The following SULT2A1 variants were observed in gnomAD, a reference collection of about 807,000 sequenced individuals.
SULT2A1 encodes sulfotransferase family 2A member 1.
SULT2A1 carries 43 observed loss-of-function variants against 33.9 expected under a neutral mutation model. The observed-to-expected ratio is 1.27, with a 90% CI of 1.00 to 1.64. The LOEUF (loss-of-function observed/expected upper bound fraction) is 1.64. Among genes scored for constraint, SULT2A1 ranks in the 40% most tolerant of loss-of-function variants. The pLI, the probability that SULT2A1 is intolerant of heterozygous loss-of-function variation, is 0.00. For missense variants in SULT2A1, 300 were observed against 335.1 expected (o/e 0.90, Z 0.82); for synonymous variants, 125 against 113.6 (o/e 1.10, Z -0.64).
chr19:47,881,609 A>T (rs922403958), intron 3 of SULT2A1, among the ~76,000 whole-genome samples: 2 of 152,164 alleles, frequency 1.3e-5, no homozygotes, highest in East Asian at 1.9e-4. Flanking sequence ...GATCAATTGC[A>T]AAATGGAAAG....
chr19:47,872,071 C>T (rs544526639), intron 5 of SULT2A1, among the ~76,000 whole-genome samples: 2 of 152,136 alleles, frequency 1.3e-5, no homozygotes, highest in African/African-American at 4.8e-5. Context: ...GTGCCTACCA[C>T]CACGCCTGGC....
At chr19:47,883,456 G>C in intron 2 of SULT2A1, 121 bp downstream of exon 2, 1 of 985,858 alleles carries the variant, frequency 1.0e-6, no homozygotes, top group Non-Finnish European at 1.5e-6. Context: ...CGGAATCTCA[G>C]GTCTCAACAA....
rs1911210434 is a variant in SULT2A1 at position 47,871,503 on chromosome 19, G to A, written c.810C>T (p.Phe270=). The A allele has an allele frequency of 6.2e-7, 1 of 1,613,902 alleles. No homozygotes were observed. Among genetic ancestry groups the A allele is most frequent in the Admixed American group, 1.7e-5 (1 of 59,958 alleles). Residue 270 remains phenylalanine (F), a synonymous_variant, in exon 6 of 6, where the codon TTC becomes TTT. Coordinates refer to ENST00000222002, the MANE Select transcript of SULT2A1 (RefSeq NM_003167.4). ...GAGGAAGATCTGCCATCTTCTCTTGGAACAATTTATCAAAGTCTTCAGCTT... is the reference window on the plus strand; with the variant it reads ...GAGGAAGATCTGCCATCTTCTCTTGAAACAATTTATCAAAGTCTTCAGCTT... ...VAQAEDFDKL[F]QEKMADLPRE...
intron 5 of SULT2A1, among the ~76,000 whole-genome samples, chr19:47,872,958 C>A (rs1968506881): frequency 6.6e-6 from 1 of 151,958 alleles, no homozygotes; most frequent in African/African-American, 2.4e-5. Context: ...AACAGAGTTT[C>A]ACCATGTTGC....
chr19:47,883,747 A>G lies in SULT2A1; in HGVS notation c.175T>C (p.Ser59Pro), dbSNP rs1176987252. 1 of 1,614,102 alleles carries G rather than the reference A, an allele frequency of 6.2e-7. No individual in the cohort carries two copies. The highest frequency in any genetic ancestry group is 8.5e-7 in the Non-Finnish European group (1 of 1,180,014). The stretch of plus-strand genomic sequence containing the variant: ...TGGATCCACTTGGCATCCCCCTTGG[A>G]GTGCATCAGGCAGAGAATCTCAGCC... ...WLAEILCLMHSKGDAKWIQSV... is the reference protein window; with the variant it reads ...WLAEILCLMHPKGDAKWIQSV... Residue 59 changes from serine (S) to proline (P), a missense_variant, in exon 2 of 6, where the codon TCC (serine) becomes CCC (proline). Physicochemically the swap from Ser to Pro is moderately conservative, Grantham distance 74 (BLOSUM62 -1). Transcript: ENST00000222002.
chr19:47,878,505 A>AT (rs34027366), intron 4 of SULT2A1, among the ~76,000 whole-genome samples: 21,380 of 111,704 alleles, frequency 0.19, 2,725 homozygotes, highest in African/African-American at 0.29. Flanking sequence ...ACCTCTCTAG[A>AT]TTTTTTTTTT....
At chr19:47,876,663 G>T (rs62531011) in intron 4 of SULT2A1, among the ~76,000 whole-genome samples, 2,216 of 151,332 alleles carry the variant, frequency 0.015, 52 homozygotes, top group African/African-American at 0.051. Context: ...CTAGCTACTT[G>T]GGAGGCTGAG....
rs751509523 is a variant in SULT2A1 at position 47,871,506 on chromosome 19, C to G, written c.807G>C (p.Leu269Phe). ...TVAQAEDFDKLFQEKMADLPR... is the reference protein window; with the variant it reads ...TVAQAEDFDKFFQEKMADLPR... ...GAAGATCTGCCATCTTCTCTTGGAA[C>G]AATTTATCAAAGTCTTCAGCTTGGG... The change falls in exon 6 of 6, where the codon TTG (leucine) becomes TTC (phenylalanine). Residue 269 changes from leucine to phenylalanine, a missense_variant. By Grantham distance (22) the Leu-to-Phe change is conservative (BLOSUM62 0). Coordinates refer to ENST00000222002, the MANE Select transcript of SULT2A1 (RefSeq NM_003167.4). 4 of 1,613,972 alleles carry G rather than the reference C, an allele frequency of 2.5e-6. No homozygotes were observed. The highest frequency in any genetic ancestry group is 3.4e-6 in the Non-Finnish European group (4 of 1,180,044).
chr19:47,875,399 A>G (rs1210079312), intron 4 of SULT2A1, among the ~76,000 whole-genome samples: 1 of 152,014 alleles, frequency 6.6e-6, no homozygotes, highest in African/African-American at 2.4e-5. Context: ...GCACTTTGGG[A>G]GGCTGAGGCA....
chr19:47,878,745 G>C (rs1293622818), intron 4 of SULT2A1, among the ~76,000 whole-genome samples: 1 of 150,342 alleles, frequency 6.7e-6, no homozygotes, highest in East Asian at 2.0e-4. Context: ...TTGAACTCCT[G>C]ACCTTGTGAT....
At chr19:47,885,855 C>T (rs915874306) in intron 1 of SULT2A1, among the ~76,000 whole-genome samples, 1 of 152,160 alleles carries the variant, frequency 6.6e-6, no homozygotes, top group South Asian at 2.1e-4. Flanking sequence ...ATCCTCCCTC[C>T]CACTGCCACC....
At chr19:47,872,901 A>G (rs1041706041) in intron 5 of SULT2A1, among the ~76,000 whole-genome samples, 2 of 151,854 alleles carry the variant, frequency 1.3e-5, no homozygotes, top group African/African-American at 4.8e-5. Flanking sequence ...AGCTGGGACT[A>G]CAGGTGGGCG....
Position 47,871,397 on chromosome 19 carries a change from G to A in SULT2A1, c.*58C>T. The A allele has an allele frequency of 7.7e-7, 1 of 1,304,898 alleles. No individual in the cohort carries two copies. The highest frequency in any genetic ancestry group is 1.1e-6 in the Non-Finnish European group (1 of 899,200). 80.8% of individuals were successfully genotyped at this position (1,304,898 alleles called of 1,614,324 possible). ...ACACAATGACCCCAGTCAGGTACAT[G>A]TACAAGGACAGGAGAATCAATGTCA... On this transcript the variant is annotated 3_prime_UTR_variant, in exon 6 of 6. Transcript: ENST00000222002.
intron 3 of SULT2A1, among the ~76,000 whole-genome samples, chr19:47,881,020 G>T (rs901254852): frequency 6.6e-6 from 1 of 152,026 alleles, no homozygotes; most frequent in Non-Finnish European, 1.5e-5. Context: ...TAAACCCCAC[G>T]CAGTTAAGAA....
intron 5 of SULT2A1, among the ~76,000 whole-genome samples, chr19:47,872,671 A>G (rs1968504173): frequency 6.6e-6 from 1 of 152,076 alleles, no homozygotes; most frequent in African/African-American, 2.4e-5. Context: ...CATATCATGT[A>G]GGACAGGTTC....
intron 3 of SULT2A1, among the ~76,000 whole-genome samples, chr19:47,880,769 A>G (rs2547233): frequency 0.89 from 134,522 of 151,922 alleles, 59,909 homozygotes; most frequent in East Asian, 1. Context: ...TGTATTTTTA[A>G]TAGAGATAGG....
intron 4 of SULT2A1, among the ~76,000 whole-genome samples, chr19:47,876,208 G>A (rs926715925): frequency 3.3e-5 from 5 of 152,078 alleles, no homozygotes; most frequent in African/African-American, 9.7e-5. Flanking sequence ...TAGAGAGGGA[G>A]TATCACCATG....
At chr19:47,877,811 C>A (rs1968561757) in intron 4 of SULT2A1, among the ~76,000 whole-genome samples, 1 of 152,102 alleles carries the variant, frequency 6.6e-6, no homozygotes, top group Non-Finnish European at 1.5e-5. Context: ...TTCACCTCCC[C>A]AGTGCTGGGA....
rs34027366 is a variant in SULT2A1 at position 47,878,505 on chromosome 19, A to ATTT, written c.567+528_567+530dup. 9.3e-4 allele frequency among the ~76,000 whole-genome samples: 104 copies of ATTT among 111,946 alleles called. 1 individual carries two copies. The highest frequency in any genetic ancestry group is 6.0e-3 in the Middle Eastern group (1 of 166). The allele number at this position is 111,946 out of a possible 152,430, so 73.4% of individuals were successfully genotyped here. A position where few individuals can be genotyped will look rare whatever the true frequency, so the allele number is the denominator to read the frequency against. ...ACCCGGTGCCAAAAAACCTCTCTAG[A>ATTT]TTTTTTTTTTTTTTTTTTTTTGAGA... On this transcript the variant is annotated intron_variant, in intron 4 of 5. Transcript: ENST00000222002.
Sources: gnomAD v4.1 joint callset for allele counts (sites outside exome capture counted in the v4.1 genomes callset) on GRCh38, gnomAD v4.1.1 for gene constraint, MANE v1.5 for transcripts, NCBI Gene and HGNC (gene_info 2026-07-23, HGNC 2026-07-21) for gene names.